The following ITGA8 variants were observed in gnomAD, a reference collection of about 807,000 sequenced individuals.
ITGA8 encodes the protein integrin alpha-8.
ITGA8 carries 91 observed loss-of-function variants against 142.3 expected under a neutral mutation model. The observed-to-expected ratio is 0.64, with a 90% CI of 0.54 to 0.76. ITGA8 has a LOEUF of 0.76. Among genes scored for constraint, ITGA8 ranks in the 30% least tolerant of loss-of-function variants. The pLI, the probability that ITGA8 is intolerant of heterozygous loss-of-function variation, is 0.00. For missense variants in ITGA8, 1,406 were observed against 1,327.7 expected, an observed-to-expected ratio of 1.06 and a Z score of -0.92; for synonymous variants, 505 against 485.2, an observed-to-expected ratio of 1.04 and a Z score of -0.54.
At chr10:15,585,459 A>G (rs568321081) in intron 23 of ITGA8, among the ~76,000 whole-genome samples, 1 of 152,328 alleles carries the variant, frequency 6.6e-6, no homozygotes, top group African/African-American at 2.4e-5. Context: ...CGGCACCAGG[A>G]CAGCAGGGCA....
At chr10:15,613,862 C>A (rs1041842833) in intron 14 of ITGA8, 95 bp from the exon 15 acceptor site, 3 of 807,898 alleles carry the variant, frequency 3.7e-6, no homozygotes, top group East Asian at 2.5e-5. Context: ...CAGTAGTAGA[C>A]AGAATACTCC....
chr10:15,718,073 A>G (rs999237261), intron 2 of ITGA8, among the ~76,000 whole-genome samples: 5 of 152,242 alleles, frequency 3.3e-5, no homozygotes, highest in African/African-American at 9.6e-5. Flanking sequence ...TTCGGTGTTA[A>G]TGTTTTTGAA....
intron 12 of ITGA8, among the ~76,000 whole-genome samples, chr10:15,644,475 TATATATATATATATATAG>T (rs1369997260): frequency 0.016 from 382 of 23,666 alleles, 20 homozygotes; most frequent in East Asian, 0.084. Flanking sequence ...TATATATATA[TATATATATATATATATAG>T]AATTTTTTTT....
At chr10:15,657,491 T>A (rs567884314) in intron 10 of ITGA8, among the ~76,000 whole-genome samples, 19 of 145,854 alleles carry the variant, frequency 1.3e-4, no homozygotes, top group African/African-American at 4.5e-4. Context: ...AACCTGCTGG[T>A]TTCTTTTTCT....
rs1489297902 is a variant in ITGA8, at chr10:15,517,197, G to C, written c.3153C>G (p.Asp1051Glu). ...RARPPQEDMT[D>E]REQLTNDKTP... ...TCTTGTCATTTGTCAGCTGTTCCCTGTCGGTCATGTCCTCCTGAGGAGGTC... is the reference window on the plus strand; with the variant it reads ...TCTTGTCATTTGTCAGCTGTTCCCTCTCGGTCATGTCCTCCTGAGGAGGTC... Residue 1051 changes from aspartate to glutamate, a missense_variant, in exon 30 of 30, where the codon GAC becomes GAG. By Grantham distance (45) the Asp-to-Glu change is conservative. Coordinates refer to ENST00000378076, the MANE Select transcript of ITGA8 (RefSeq NM_003638.3). 1.9e-6 allele frequency: 3 copies of C among 1,613,126 alleles called. No homozygotes were observed.
chr10:15,589,555 TG>T (rs1206410881), intron 22 of ITGA8, among the ~76,000 whole-genome samples: 9 of 152,228 alleles, frequency 5.9e-5, no homozygotes, highest in Non-Finnish European at 1.3e-4. Flanking sequence ...ATGCAGGTCA[TG>T]GCAGTCAATA....
intron 11 of ITGA8, among the ~76,000 whole-genome samples, chr10:15,648,679 A>G (rs1834032055): frequency 6.6e-6 from 1 of 152,110 alleles, no homozygotes; most frequent in Non-Finnish European, 1.5e-5. Context: ...ACTGAGAACA[A>G]GAAACTTTCT....
At chr10:15,616,991 G>C (rs1189416460) in intron 13 of ITGA8, among the ~76,000 whole-genome samples, 1 of 152,176 alleles carries the variant, frequency 6.6e-6, no homozygotes, top group Non-Finnish European at 1.5e-5. Flanking sequence ...GGAACGTTCT[G>C]ATTGTCATTT....
intron 27 of ITGA8, among the ~76,000 whole-genome samples, chr10:15,538,382 G>A (rs1306820012): frequency 6.6e-6 from 1 of 151,830 alleles, no homozygotes; most frequent in African/African-American, 2.4e-5. Context: ...CATGATGGCG[G>A]GTGCCTGTAA....
chr10:15,592,884 A>C (rs1832949832), intron 21 of ITGA8, among the ~76,000 whole-genome samples: 1 of 152,120 alleles, frequency 6.6e-6, no homozygotes, highest in South Asian at 2.1e-4. Context: ...GAACCACCAC[A>C]CCTGGCCAGA....
At chr10:15,592,094 G>A in intron 22 of ITGA8, 131 bp downstream of exon 22, 2 of 564,206 alleles carry the variant, frequency 3.5e-6, no homozygotes, top group South Asian at 5.8e-5. Context: ...AAGAAGAAAT[G>A]GGCTGTGAAA....
intron 13 of ITGA8, among the ~76,000 whole-genome samples, chr10:15,640,045 A>C (rs1292157939): frequency 6.6e-6 from 1 of 152,220 alleles, no homozygotes; most frequent in Non-Finnish European, 1.5e-5. Context: ...GGTTTCATTG[A>C]GGACCTACGT....
At chr10:15,631,377 C>T (rs6602050) in intron 13 of ITGA8, among the ~76,000 whole-genome samples, 37,382 of 151,670 alleles carry the variant, frequency 0.25, 4,945 homozygotes, top group Admixed American at 0.32. Flanking sequence ...CATGGAATAC[C>T]ATGCAGCCAT....
Position 15,672,675 on chromosome 10 carries a change from C to T in ITGA8, c.751G>A (p.Gly251Arg), listed in dbSNP as rs748128138. 6.2e-7 allele frequency: 1 copy of T among 1,613,900 alleles called. No individual in the cohort carries two copies. The highest frequency in any genetic ancestry group is 8.5e-7 in the Non-Finnish European group (1 of 1,179,892). The change falls in exon 7 of 30, where the codon GGA (glycine) becomes AGA (arginine). Residue 251 changes from glycine (G) to arginine (R), a missense_variant. Transcript: ENST00000378076. ...SFKDILRKLAGEKQTEVAPAS... is the reference protein window; with the variant it reads ...SFKDILRKLAREKQTEVAPAS... ...GGAGCCACTTCCGTCTGCTTTTCTC[C>T]TGCCAGTTTCCTGAGGATATCCTTG...
At chr10:15,536,353 C>T (rs1417796479) in intron 27 of ITGA8, among the ~76,000 whole-genome samples, 2 of 152,044 alleles carry the variant, frequency 1.3e-5, no homozygotes, top group African/African-American at 2.4e-5. Context: ...GAATGGAAAA[C>T]GTGGTTTATT....
At chr10:15,678,904 G>T in intron 4 of ITGA8, 121 bp from the exon 5 acceptor site, 2 of 534,784 alleles carry the variant, frequency 3.7e-6, no homozygotes, top group Non-Finnish European at 6.5e-6. Flanking sequence ...TGATCAATAT[G>T]TGTTTTATGT....
chr10:15,691,502 G>C (rs925387503), intron 2 of ITGA8, among the ~76,000 whole-genome samples: 10 of 152,146 alleles, frequency 6.6e-5, no homozygotes, highest in Non-Finnish European at 1.5e-4. Flanking sequence ...ACACAATTTT[G>C]CCTTAAAAGA....
At chr10:15,701,222 A>G (rs1007622123) in intron 2 of ITGA8, among the ~76,000 whole-genome samples, 1 of 152,174 alleles carries the variant, frequency 6.6e-6, no homozygotes, top group African/African-American at 2.4e-5. Flanking sequence ...ACACTAACCT[A>G]TGAGTGATGG....
chr10:15,518,793 C>T (rs540903903), intron 29 of ITGA8, among the ~76,000 whole-genome samples: 1 of 152,300 alleles, frequency 6.6e-6, no homozygotes, highest in Non-Finnish European at 1.5e-5. Context: ...GTCCAGGCAT[C>T]CTATCACATG....
Sources: allele counts gnomAD v4.1 joint callset (sites outside exome capture counted in the v4.1 genomes callset), GRCh38; gene constraint gnomAD v4.1.1; transcripts MANE v1.5; gene names NCBI Gene and HGNC (gene_info 2026-07-23, HGNC 2026-07-21).